E2F7: variants seen among roughly 807,000 people sequenced by gnomAD.
E2F7 encodes transcription factor E2F7.
In E2F7, 35 loss-of-function variants were observed where a neutral mutation model predicts 81.1. That is an observed-to-expected ratio of 0.43 (90% CI 0.33 to 0.57). The LOEUF is 0.57. Among genes scored for constraint, E2F7 ranks in the 20% least tolerant of loss-of-function variants. The pLI is 0.04. For synonymous variants in E2F7, 416 were observed against 416.2 expected, an observed-to-expected ratio of 1.00 and a Z score of 0.01; for missense variants, 961 against 1,093.7, an observed-to-expected ratio of 0.88 and a Z score of 1.71.
At chr12:77,029,807 A>T in intron 10 of E2F7, 24 bp downstream of exon 10, 1 of 1,611,476 alleles carries the variant, frequency 6.2e-7, no homozygotes. Flanking sequence ...ATGTCACCAG[A>T]CACATCCACC....
At chr12:77,063,794 T>C (rs1214024998) in intron 2 of E2F7, among the ~76,000 whole-genome samples, 4 of 152,174 alleles carry the variant, frequency 2.6e-5, no homozygotes, top group African/African-American at 9.6e-5. Context: ...AGCCTAAAAA[T>C]AAGACCAGGA....
chr12:77,044,358 C>A (rs1201359746), intron 6 of E2F7: 7 of 532,874 alleles, frequency 1.3e-5, no homozygotes, highest in Non-Finnish European at 2.1e-5. Context: ...AAGAGAAATG[C>A]AAAATAATTC....
Position 77,056,074 on chromosome 12 carries a change from T to A in E2F7, c.150A>T (p.Glu50Asp). 1 of 1,614,078 alleles carries A rather than the reference T, an allele frequency of 6.2e-7. No individual in the cohort carries two copies. Among genetic ancestry groups the A allele is most frequent in the Non-Finnish European group, 8.5e-7 (1 of 1,179,988 alleles). The change falls in exon 3 of 13, where the codon GAA (glutamate) becomes GAT (aspartate). Residue 50 changes from glutamate to aspartate, a missense_variant. By Grantham distance (45) the Glu-to-Asp change is conservative. This residue lies in a region of E2F7 where 73 missense variants were observed against 68.4 expected (regional missense o/e 1.07). Coordinates refer to ENST00000322886, the MANE Select transcript of E2F7 (RefSeq NM_203394.3). ...RMAPKTPIKN[E>D]PIDLSKQKKF... Reference sequence around the variant, plus strand: ...TTTTTTGCTTCGATAAATCAATTGGTTCATTTTTTATTGGAGTCTTCGGGG... The same window carrying A: ...TTTTTTGCTTCGATAAATCAATTGGATCATTTTTTATTGGAGTCTTCGGGG...
chr12:77,065,316 C>T (rs1393729096), intron 1 of E2F7, 29 bp downstream of exon 1: 1 of 152,358 alleles, frequency 6.6e-6, no homozygotes, highest in Non-Finnish European at 1.5e-5. Flanking sequence ...ATTCCCGCCT[C>T]CCCACTGGCG....
At chr12:77,064,473 G>T in intron 2 of E2F7, 70 bp downstream of exon 2, 2 of 1,232,674 alleles carry the variant, frequency 1.6e-6, no homozygotes, top group Non-Finnish European at 2.4e-6. Flanking sequence ...ATGGCATGTT[G>T]GAACACTTAA....
At chr12:77,057,793 G>T (rs981277870) in intron 2 of E2F7, among the ~76,000 whole-genome samples, 2 of 152,162 alleles carry the variant, frequency 1.3e-5, no homozygotes, top group Non-Finnish European at 2.9e-5. Flanking sequence ...GAAAGATTCT[G>T]CTCTTTCTGT....
At chr12:77,037,278 T>C (rs910212233) in intron 7 of E2F7, among the ~76,000 whole-genome samples, 5 of 152,308 alleles carry the variant, frequency 3.3e-5, no homozygotes, top group African/African-American at 1.2e-4. Context: ...AATTTTCTTA[T>C]TAAAGTTTCT....
chr12:77,050,106 T>C (rs1447264322), intron 4 of E2F7, among the ~76,000 whole-genome samples: 7 of 152,216 alleles, frequency 4.6e-5, no homozygotes, highest in African/African-American at 1.7e-4. Context: ...TTTTCTAATT[T>C]GACCCACTTG....
chr12:77,025,072 C>CATCTATGTATTATAGATGTAT, intron 12 of E2F7, among the ~76,000 whole-genome samples: 2 of 152,074 alleles, frequency 1.3e-5, no homozygotes, highest in African/African-American at 4.8e-5. Flanking sequence ...GATGTATATA[C>CATCTATGTATTATAGATGTAT]ATACAGACAT....
intron 10 of E2F7, among the ~76,000 whole-genome samples, chr12:77,028,380 TG>T (rs1954776668): frequency 1.3e-5 from 2 of 151,870 alleles, no homozygotes; most frequent in South Asian, 4.2e-4. Context: ...TTAGTAGAGA[TG>T]GGGTTTCACC....
At chr12:77,063,749 T>C (rs376388367) in intron 2 of E2F7, among the ~76,000 whole-genome samples, 1 of 152,366 alleles carries the variant, frequency 6.6e-6, no homozygotes, top group East Asian at 1.9e-4. Context: ...GAGCCTGGGT[T>C]GCTTTGCAAC....
In E2F7 at chr12:77,032,227, T is replaced by C. The variant is rs1286268356; in HGVS notation, c.1382+823A>G. 2.0e-5 allele frequency among the ~76,000 whole-genome samples: 3 copies of C among 152,236 alleles called. No homozygotes were observed. The East Asian group carries it at 5.8e-4, about 29-fold the overall frequency. On this transcript the variant is annotated intron_variant, in intron 9 of 12. Transcript: ENST00000322886. The stretch of plus-strand genomic sequence containing the variant: ...GAACCTCCAATAGCTCTTTATGGTT[T>C]CCCTGATGAATCCAACTCTTCTCTG...
chr12:77,055,137 C>T (rs1421017061), intron 3 of E2F7, among the ~76,000 whole-genome samples: 1 of 152,180 alleles, frequency 6.6e-6, no homozygotes, highest in African/African-American at 2.4e-5. Context: ...GCTACTCTAC[C>T]ACTGCAAGAT....
At chr12:77,046,918 C>T (rs1954947868) in intron 4 of E2F7, among the ~76,000 whole-genome samples, 1 of 152,220 alleles carries the variant, frequency 6.6e-6, no homozygotes, top group South Asian at 2.1e-4. Flanking sequence ...ATGCAGGTGT[C>T]AAGGGCTTGA....
intron 1 of E2F7, among the ~76,000 whole-genome samples, chr12:77,064,874 A>T (rs1297727852): frequency 6.6e-6 from 1 of 152,196 alleles, no homozygotes; most frequent in Non-Finnish European, 1.5e-5. Flanking sequence ...AATCTACAAA[A>T]ATAGTAACTC....
rs1302726045 is a variant in E2F7 at position 77,029,890 on chromosome 12, C to A, written c.1825G>T (p.Ala609Ser). The A allele has an allele frequency of 4.3e-6, 7 of 1,614,128 alleles. No homozygotes were observed. In the African/African-American group the frequency reaches 9.3e-5, roughly 22 times the overall value. The change falls in exon 10 of 13, where the codon GCC becomes TCC. Residue 609 changes from alanine to serine, a missense_variant. By Grantham distance (99) the Ala-to-Ser change is moderately conservative. Coordinates refer to ENST00000322886, the MANE Select transcript of E2F7 (RefSeq NM_203394.3). The stretch of plus-strand genomic sequence containing the variant: ...TATTCCCTACTTTGCCTTTTAGTGG[C>A]TGGCTCATCCTCCTCCTGAGGTTTC... ...ERKPQEEDEP[A>S]TKRQSREYED...
chr12:77,058,099 C>T (rs1411565978), intron 2 of E2F7, among the ~76,000 whole-genome samples: 3 of 152,116 alleles, frequency 2.0e-5, no homozygotes, highest in Non-Finnish European at 4.4e-5. Context: ...GTGGAAGTGG[C>T]GATTTCTCAT....
chr12:77,043,663 C>T (rs114929514), intron 6 of E2F7, among the ~76,000 whole-genome samples: 111 of 152,182 alleles, frequency 7.3e-4, no homozygotes, highest in African/African-American at 2.6e-3. Context: ...CCTGGGCACA[C>T]AGGATGCTCA....
At chr12:77,030,370 C>A in intron 9 of E2F7, 38 bp from the exon 10 acceptor site, 1 of 1,513,434 alleles carries the variant, frequency 6.6e-7, no homozygotes, top group Non-Finnish European at 8.8e-7. Context: ...TTAGCACATT[C>A]TACCAACTCC....
Sources: allele counts gnomAD v4.1 joint callset (sites outside exome capture counted in the v4.1 genomes callset), GRCh38; gene constraint gnomAD v4.1.1; regional missense constraint gnomAD v4.1.1; transcripts MANE v1.5; gene names NCBI Gene and HGNC (gene_info 2026-07-23, HGNC 2026-07-21).